The following PRKN variants were observed in gnomAD, a reference collection of about 807,000 sequenced individuals.
PRKN encodes the protein E3 ubiquitin-protein ligase parkin.
A neutral mutation model predicts 59.5 loss-of-function variants in PRKN; 56 were observed. That is an observed-to-expected ratio of 0.94 (90% CI 0.76 to 1.18). PRKN has a LOEUF of 1.18. Ranked by LOEUF, PRKN falls within the 50% of genes most tolerant of loss-of-function variation. PRKN has a pLI of 0.00. For synonymous variants in PRKN, 250 were observed against 222.1 expected, an observed-to-expected ratio of 1.13 and a Z score of -1.12; for missense variants, 657 against 596.4, an observed-to-expected ratio of 1.10 and a Z score of -1.06.
chr6:162,107,330 C>T (rs528304081), intron 4 of PRKN, among the ~76,000 whole-genome samples: 3 of 152,148 alleles, frequency 2.0e-5, no homozygotes, highest in East Asian at 3.9e-4. Context: ...CCGGGCATGG[C>T]GGCAGGCGCC....
chr6:161,546,110 G>A lies in PRKN; in HGVS notation c.1083+2744C>T, dbSNP rs1779786630. 6.6e-6 allele frequency among the ~76,000 whole-genome samples: 1 copy of A among 152,172 alleles called. No homozygotes were observed. The highest frequency in any genetic ancestry group is 1.5e-5 in the Non-Finnish European group (1 of 68,034). ...GCCATGTAAGCAATCTTCCTTGAAT[G>A]TTGGGTTTTTGGGTGAGCTTTGGAT... On this transcript the variant is annotated intron_variant, in intron 9 of 11. Transcript: ENST00000366898. This position sits in a 1 kb window ranked among gnomAD's most constrained non-coding sequence, Gnocchi z 4.4.
chr6:161,475,908 T>G lies in PRKN; in HGVS notation c.1083+72946A>C, dbSNP rs944722222. ...TTTAAAAATATTATTCAAGATAGGCTGGTCGCGGTGGCTCACGCCTGTAAT... is the reference window on the plus strand; with the variant it reads ...TTTAAAAATATTATTCAAGATAGGCGGGTCGCGGTGGCTCACGCCTGTAAT... On this transcript the variant is annotated intron_variant, in intron 9 of 11. Coordinates refer to ENST00000366898, the MANE Select transcript of PRKN (RefSeq NM_004562.3). The surrounding 1 kb of genome is among the most constrained non-coding windows in gnomAD (Gnocchi z 5.3). Among the ~76,000 whole-genome samples, 2 of 152,110 alleles carry G rather than the reference T, an allele frequency of 1.3e-5. No individual in the cohort carries two copies. Among genetic ancestry groups the G allele is most frequent in the African/African-American group, 4.8e-5 (2 of 41,442 alleles).
chr6:161,406,155 C>CAT (rs968126311), intron 9 of PRKN, among the ~76,000 whole-genome samples: 9 of 151,318 alleles, frequency 5.9e-5, no homozygotes, highest in African/African-American at 1.2e-4. Context: ...TATATACACA[C>CAT]ATATATATAC....
Position 161,766,591 on chromosome 6 carries a change from A to G in PRKN, c.871+19181T>C, listed in dbSNP as rs79134089. Among the ~76,000 whole-genome samples the G allele has an allele frequency of 3.4e-3, 514 of 152,170 alleles. 4 individuals are homozygous for G. The highest frequency in any genetic ancestry group is 0.012 in the African/African-American group (487 of 41,510). Reference sequence around the variant, plus strand: ...TGTAAAATAATCCTTGATATGCTTTATGGACAACCCCTCCCCACGGTTCCA... The same window carrying G: ...TGTAAAATAATCCTTGATATGCTTTGTGGACAACCCCTCCCCACGGTTCCA... On this transcript the variant is annotated intron_variant, in intron 7 of 11. Transcript: ENST00000366898.
At chr6:162,275,794 A>G (rs1036795135) in intron 2 of PRKN, among the ~76,000 whole-genome samples, 2 of 152,092 alleles carry the variant, frequency 1.3e-5, no homozygotes, top group African/African-American at 2.4e-5. Flanking sequence ...TCAAAAAAAA[A>G]AAACGAAATT....
chr6:162,699,930 G>A (rs1294750091), intron 1 of PRKN, among the ~76,000 whole-genome samples: 2 of 152,072 alleles, frequency 1.3e-5, no homozygotes, highest in African/African-American at 2.4e-5. Context: ...TATCCTAGAG[G>A]AAGAGACTGA....
At position 162,010,264 on chromosome 6, in the gene PRKN, T is replaced by A. The variant is rs550461836; in HGVS notation, c.619-36847A>T. 2.1e-3 allele frequency among the ~76,000 whole-genome samples: 282 copies of A among 131,520 alleles called. 8 individuals carry two copies. Among genetic ancestry groups the A allele is most frequent in the African/African-American group, 7.7e-3 (268 of 34,836 alleles). 86.3% of individuals were successfully genotyped at this position (131,520 alleles called of 152,430 possible). On this transcript the variant is annotated intron_variant, in intron 5 of 11. Transcript: ENST00000366898. ...TATTTATTATACATAATATATATTT[T>A]ATATATATTATGTATGATAAATATA...
chr6:162,218,360 C>T lies in PRKN; in HGVS notation c.413-17108G>A, dbSNP rs148043111. Reference sequence around the variant, plus strand: ...ATGACATCAGGAGGCTGTCGTGACTCGTTCACTAGGTGTGGGAAGCCCAGC... The same window carrying T: ...ATGACATCAGGAGGCTGTCGTGACTTGTTCACTAGGTGTGGGAAGCCCAGC... On this transcript the variant is annotated intron_variant, in intron 3 of 11. Transcript: ENST00000366898. Among the ~76,000 whole-genome samples, 442 of 152,188 alleles carry T rather than the reference C, an allele frequency of 2.9e-3. 3 individuals carry two copies. The highest frequency in any genetic ancestry group is 9.9e-3 in the African/African-American group (413 of 41,552).
chr6:162,128,537 C>T (rs1781212857), intron 4 of PRKN, among the ~76,000 whole-genome samples: 1 of 152,266 alleles, frequency 6.6e-6, no homozygotes, highest in South Asian at 2.1e-4. Flanking sequence ...CAATCTCACA[C>T]CTTACTATAG....
chr6:162,702,361 G>C (rs1778188514), intron 1 of PRKN, among the ~76,000 whole-genome samples: 1 of 151,992 alleles, frequency 6.6e-6, no homozygotes, highest in Admixed American at 6.5e-5. Flanking sequence ...TTCCTTCATA[G>C]ATGGTCACTG....
intron 9 of PRKN, among the ~76,000 whole-genome samples, chr6:161,477,371 T>G (rs9346857): frequency 0.61 from 92,752 of 151,272 alleles, 28,844 homozygotes; most frequent in Middle Eastern, 0.71. Context: ...TACAAAATTA[T>G]CCAGGCGTGG....
chr6:162,664,929 AACCACATGATTATCTC>A (rs1467284033), intron 1 of PRKN, among the ~76,000 whole-genome samples: 1 of 152,052 alleles, frequency 6.6e-6, no homozygotes, highest in African/African-American at 2.4e-5. Flanking sequence ...CAATTGCTAA[AACCACATGATTATCTC>A]AACAGATGCA....
At chr6:161,849,465 TTTC>T (rs1207848720) in intron 6 of PRKN, among the ~76,000 whole-genome samples, 1 of 152,192 alleles carries the variant, frequency 6.6e-6, no homozygotes, top group African/African-American at 2.4e-5. Context: ...AAAATAATAA[TTTC>T]TTCAACTTCA....
intron 4 of PRKN, among the ~76,000 whole-genome samples, chr6:162,115,456 T>C (rs546296847): frequency 3.3e-4 from 50 of 151,840 alleles, no homozygotes; most frequent in Non-Finnish European, 5.1e-4. Context: ...GTAACTAACC[T>C]GCACATTGTG....
rs1030044488 is a variant in PRKN at position 161,458,636 on chromosome 6, T to A, written c.1084-71759A>T. Among the ~76,000 whole-genome samples, 3 of 152,358 alleles carry A rather than the reference T, an allele frequency of 2.0e-5. No individual in the cohort carries two copies. The highest frequency in any genetic ancestry group is 1.9e-4 in the East Asian group (1 of 5,188). Reference sequence around the variant, plus strand: ...CCAAGGTACAAAAACATTTCAGCCATTAAGCTCAAAGTTTGTGTTTAAAAT... The same window carrying A: ...CCAAGGTACAAAAACATTTCAGCCAATAAGCTCAAAGTTTGTGTTTAAAAT... On this transcript the variant is annotated intron_variant, in intron 9 of 11. Transcript: ENST00000366898. This position sits in a 1 kb window ranked among gnomAD's most constrained non-coding sequence, Gnocchi z 6.1.
In PRKN at chr6:161,569,404, T is replaced by G. The variant is rs1006331297; in HGVS notation, c.884A>C (p.Asn295Thr). ...GTGATGGAGCTCTTTAATCAAGGAG[T>G]TGGGACAGCCAGCTGTTGGAAAGAA... ...YSLPCVAGCPNSLIKELHHFR... is the reference protein window; with the variant it reads ...YSLPCVAGCPTSLIKELHHFR... Residue 295 changes from asparagine (N) to threonine (T), a missense_variant, in exon 8 of 12, where the codon AAC becomes ACC. Transcript: ENST00000366898. 1.9e-6 allele frequency: 3 copies of G among 1,613,758 alleles called. No homozygotes were observed. Among genetic ancestry groups the G allele is most frequent in the Admixed American group, 1.7e-5 (1 of 60,016 alleles).
At chr6:162,134,880 G>A (rs1301754027) in intron 4 of PRKN, among the ~76,000 whole-genome samples, 1 of 152,090 alleles carries the variant, frequency 6.6e-6, no homozygotes, top group Non-Finnish European at 1.5e-5. Context: ...TATTACAATA[G>A]AGCTATTTTT....
In PRKN at chr6:161,581,529, G is replaced by A. The variant is rs1017443064; in HGVS notation, c.872-12113C>T. Among the ~76,000 whole-genome samples the A allele has an allele frequency of 2.0e-5, 3 of 152,182 alleles. No homozygotes were observed. The highest frequency in any genetic ancestry group is 2.4e-5 in the African/African-American group (1 of 41,444). ...AATGTGCTGAACGGAAGAAGGTCAC[G>A]GAAGAGGATATGCTGAAGTCTGAGG... On this transcript the variant is annotated intron_variant, in intron 7 of 11. Coordinates refer to ENST00000366898, the MANE Select transcript of PRKN (RefSeq NM_004562.3). This position sits in a 1 kb window ranked among gnomAD's most constrained non-coding sequence, Gnocchi z 4.5.
chr6:161,853,500 GATAAT>G, intron 6 of PRKN, among the ~76,000 whole-genome samples: 1 of 152,252 alleles, frequency 6.6e-6, no homozygotes, highest in Non-Finnish European at 1.5e-5. Flanking sequence ...AACTGTTTAA[GATAAT>G]ATGTTTTTGC....
Sources: allele counts gnomAD v4.1 joint callset (sites outside exome capture counted in the v4.1 genomes callset), GRCh38; gene constraint gnomAD v4.1.1; non-coding constraint Gnocchi (gnomAD v3.1); transcripts MANE v1.5; gene names NCBI Gene and HGNC (gene_info 2026-07-23, HGNC 2026-07-21).